The following SORCS3 variants were observed in gnomAD, a reference collection of about 807,000 sequenced individuals.
The protein encoded by SORCS3 is sortilin related VPS10 domain containing receptor 3, also known as VPS10 domain-containing receptor SorCS3.
SORCS3 carries 57 observed loss-of-function variants against 146.3 expected under a neutral mutation model. That is an observed-to-expected ratio of 0.39 (90% CI 0.31 to 0.49). The LOEUF is 0.49. SORCS3 is among the 20% of genes least tolerant of loss of function. The pLI is 0.92. For missense variants in SORCS3, 1,341 were observed against 1,575.5 expected (o/e 0.85, Z 2.52); for synonymous variants, 653 against 618.5 (o/e 1.06, Z -0.83).
intron 3 of SORCS3, among the ~76,000 whole-genome samples, chr10:104,935,816 G>A (rs760598011): frequency 2.5e-4 from 38 of 152,210 alleles, no homozygotes; most frequent in Non-Finnish European, 4.0e-4. Flanking sequence ...AGAAGGTAAG[G>A]TGTGTTCAGG....
intron 1 of SORCS3, among the ~76,000 whole-genome samples, chr10:104,718,354 C>G (rs1232931587): frequency 6.6e-6 from 1 of 152,032 alleles, no homozygotes; most frequent in African/African-American, 2.4e-5. Context: ...ACAAACTCAC[C>G]CTTACAATGA....
chr10:105,251,590 A>T (rs905898947), intron 22 of SORCS3, among the ~76,000 whole-genome samples: 3 of 152,030 alleles, frequency 2.0e-5, no homozygotes, highest in African/African-American at 7.2e-5. Context: ...GTCAGGGGGC[A>T]CTTTGGAGGA....
intron 2 of SORCS3, among the ~76,000 whole-genome samples, chr10:104,856,926 A>G (rs1268994180): frequency 2.0e-5 from 3 of 149,398 alleles, no homozygotes; most frequent in South Asian, 2.1e-4. Flanking sequence ...GAGAGAGACC[A>G]CTGTTATATG....
chr10:105,000,678 A>G (rs1390670182), intron 4 of SORCS3, among the ~76,000 whole-genome samples: 1 of 152,028 alleles, frequency 6.6e-6, no homozygotes, highest in African/African-American at 2.4e-5. Context: ...GCTACCACCA[A>G]CCCCTGCACC....
intron 3 of SORCS3, among the ~76,000 whole-genome samples, chr10:104,952,876 C>G (rs1465995634): frequency 1.3e-5 from 2 of 152,162 alleles, no homozygotes; most frequent in Non-Finnish European, 2.9e-5. Flanking sequence ...TTGCTATTTT[C>G]TATTTCAGAA....
intron 1 of SORCS3, among the ~76,000 whole-genome samples, chr10:104,647,650 C>A (rs2015510800): frequency 6.6e-6 from 1 of 152,102 alleles, no homozygotes; most frequent in Admixed American, 6.5e-5. Context: ...CTGAACTCAC[C>A]TGGGGAGTTG....
chr10:104,795,679 G>A (rs1267001079), intron 1 of SORCS3, among the ~76,000 whole-genome samples: 1 of 152,198 alleles, frequency 6.6e-6, no homozygotes, highest in African/African-American at 2.4e-5. Flanking sequence ...GCCCCCTAAG[G>A]GGCAGTAGCT....
chr10:105,220,699 C>G (rs749847613), intron 19 of SORCS3, among the ~76,000 whole-genome samples: 1 of 152,112 alleles, frequency 6.6e-6, no homozygotes, highest in Non-Finnish European at 1.5e-5. Flanking sequence ...CATCTCCCCC[C>G]TTGGATGTGG....
chr10:104,645,850 C>T (rs377014513), intron 1 of SORCS3, among the ~76,000 whole-genome samples: 196 of 152,302 alleles, frequency 1.3e-3, no homozygotes, highest in Middle Eastern at 6.8e-3. Flanking sequence ...CTCACTGGAT[C>T]ATCTAATTGT....
chr10:105,100,452 A>T (rs2055776253), intron 6 of SORCS3, among the ~76,000 whole-genome samples: 1 of 152,236 alleles, frequency 6.6e-6, no homozygotes, highest in Non-Finnish European at 1.5e-5. Flanking sequence ...CAATTCATTA[A>T]CATGCAAGTA....
chr10:104,806,888 G>A (rs2017684453), intron 1 of SORCS3, among the ~76,000 whole-genome samples: 1 of 152,148 alleles, frequency 6.6e-6, no homozygotes, highest in Non-Finnish European at 1.5e-5. Flanking sequence ...ACACATGGAA[G>A]AGAACTAAGG....
chr10:104,907,327 C>A (rs930010333), intron 2 of SORCS3, among the ~76,000 whole-genome samples: 2 of 152,102 alleles, frequency 1.3e-5, no homozygotes, highest in Non-Finnish European at 2.9e-5. Context: ...AGGTCTTTTG[C>A]CTGATAGGTT....
intron 1 of SORCS3, among the ~76,000 whole-genome samples, chr10:104,698,225 G>A (rs2016239953): frequency 6.6e-6 from 1 of 152,094 alleles, no homozygotes; most frequent in Admixed American, 6.6e-5. Flanking sequence ...TTACAGATGT[G>A]GAATCTGAGA....
intron 5 of SORCS3, among the ~76,000 whole-genome samples, chr10:105,069,460 G>A (rs545345738): frequency 6.6e-6 from 1 of 152,266 alleles, no homozygotes; most frequent in East Asian, 1.9e-4. Flanking sequence ...TCAGCCTAAT[G>A]TCGATAATAA....
At chr10:105,189,033 A>T (rs1030911035) in intron 14 of SORCS3, among the ~76,000 whole-genome samples, 2 of 152,252 alleles carry the variant, frequency 1.3e-5, no homozygotes, top group Non-Finnish European at 2.9e-5. Context: ...GTATGTAGCC[A>T]GAGTGGGTCA....
In SORCS3 at chr10:105,134,790, T is replaced by G. The variant is rs2218944; in HGVS notation, c.1213-4607T>G. The stretch of plus-strand genomic sequence containing the variant: ...TTATGTCCTTCTCACATGCAAAATA[T>G]GTTCGTTTCATCCCAATAGCTTCAA... On this transcript the variant is annotated intron_variant, in intron 7 of 26. Transcript: ENST00000369701. Among the ~76,000 whole-genome samples the G allele has an allele frequency of 7.2e-5, 11 of 151,988 alleles. No homozygotes were observed. In the East Asian group the frequency reaches 2.1e-3, roughly 30 times the overall value.
intron 2 of SORCS3, among the ~76,000 whole-genome samples, chr10:104,913,117 A>G (rs1392773057): frequency 1.3e-5 from 2 of 152,222 alleles, no homozygotes; most frequent in African/African-American, 4.8e-5. Flanking sequence ...AGATTTTACA[A>G]GACTTAAGCT....
intron 2 of SORCS3, among the ~76,000 whole-genome samples, chr10:104,914,580 G>T (rs1294930989): frequency 1.3e-5 from 2 of 152,190 alleles, no homozygotes; most frequent in African/African-American, 4.8e-5. Flanking sequence ...CTGATGTGAT[G>T]CTATGATTGT....
chr10:105,256,836 A>G lies in SORCS3; in HGVS notation c.3355A>G (p.Ser1119Gly), dbSNP rs767130321. ...TTTCCAAGCTCCATTGGTGGACTCC[A>G]GTGCTGGGCACAGCAGCTCAGCCAT... ...QLTLAPLVDS[S>G]AGHSSSAMLM... Residue 1119 changes from serine to glycine, a missense_variant, in exon 25 of 27, where the codon AGT (serine) becomes GGT (glycine). Coordinates refer to ENST00000369701, the MANE Select transcript of SORCS3 (RefSeq NM_014978.3). 18 of 1,613,976 alleles carry G rather than the reference A, an allele frequency of 1.1e-5. No individual in the cohort carries two copies. Among genetic ancestry groups the G allele is most frequent in the Non-Finnish European group, 1.3e-5 (15 of 1,179,934 alleles).
Sources: allele counts gnomAD v4.1 joint callset (sites outside exome capture counted in the v4.1 genomes callset), GRCh38; gene constraint gnomAD v4.1.1; transcripts MANE v1.5; gene names NCBI Gene and HGNC (gene_info 2026-07-23, HGNC 2026-07-21).